The following GPC6 variants were observed in gnomAD, a reference collection of about 807,000 sequenced individuals.
The protein encoded by GPC6 is glypican-6.
Under a neutral mutation model 55.2 loss-of-function variants are expected in GPC6, and 14 were observed. The ratio of observed to expected loss-of-function variants is 0.25; its 90% CI spans 0.17 to 0.40. The LOEUF is 0.40. Among genes scored for constraint, GPC6 ranks in the 10% least tolerant of loss-of-function variants. The pLI is 1.00. For synonymous variants in GPC6, 278 were observed against 259.6 expected (o/e 1.07, Z -0.68); for missense variants, 641 against 708.5 (o/e 0.90, Z 1.08).
intron 7 of GPC6, among the ~76,000 whole-genome samples, chr13:94,397,969 G>A (rs1880964134): frequency 6.6e-6 from 1 of 152,122 alleles, no homozygotes; most frequent in Admixed American, 6.5e-5. Flanking sequence ...ACATCTGATG[G>A]TTTTATAAGG....
intron 4 of GPC6, among the ~76,000 whole-genome samples, chr13:94,057,927 A>G (rs914538528): frequency 2.6e-5 from 4 of 152,216 alleles, no homozygotes; most frequent in African/African-American, 9.6e-5. Flanking sequence ...AGAATAAATT[A>G]ATTTCATAAC....
chr13:93,434,110 G>A (rs1877475012), intron 1 of GPC6, among the ~76,000 whole-genome samples: 1 of 152,174 alleles, frequency 6.6e-6, no homozygotes, highest in Non-Finnish European at 1.5e-5. Context: ...GGCATCCAGG[G>A]ACTGCTTTGG....
Position 93,248,437 on chromosome 13 carries a change from GTT to G in GPC6, c.160+20834_160+20835del, listed in dbSNP as rs74531292. Among the ~76,000 whole-genome samples, 1,234 of 137,148 alleles carry G rather than the reference GTT, an allele frequency of 9.0e-3. 13 individuals carry two copies. Among genetic ancestry groups the G allele is most frequent in the African/African-American group, 0.03 (1,140 of 37,434 alleles). 90.0% of individuals were successfully genotyped at this position (137,148 alleles called of 152,430 possible). On this transcript the variant is annotated intron_variant, in intron 1 of 8. Transcript: ENST00000377047. Reference sequence around the variant, plus strand: ...GTACTTTAAAAGGCCCACAAAAAGTGTTTTTTTTTTTTTTCTTTTTTAAGTGA... The same window carrying G: ...GTACTTTAAAAGGCCCACAAAAAGTGTTTTTTTTTTTTCTTTTTTAAGTGA...
intron 5 of GPC6, among the ~76,000 whole-genome samples, chr13:94,305,364 C>G (rs1461993491): frequency 1.3e-5 from 2 of 152,160 alleles, no homozygotes; most frequent in Non-Finnish European, 2.9e-5. Flanking sequence ...ACATTGAACT[C>G]ATAGCACTAT....
intron 6 of GPC6, among the ~76,000 whole-genome samples, chr13:94,336,562 G>T (rs746420973): frequency 1.4e-4 from 22 of 152,170 alleles, no homozygotes; most frequent in African/African-American, 5.3e-4. Context: ...GTCGGTAGCG[G>T]TTTTTTAATT....
chr13:94,234,939 G>A (rs192595760), intron 4 of GPC6, among the ~76,000 whole-genome samples: 2 of 152,250 alleles, frequency 1.3e-5, no homozygotes, highest in Admixed American at 6.5e-5. Context: ...TCAAATGGTA[G>A]TTGCCAGGAG....
intron 2 of GPC6, among the ~76,000 whole-genome samples, chr13:93,761,741 AT>A (rs1303168188): frequency 2.6e-5 from 4 of 152,184 alleles, no homozygotes; most frequent in Non-Finnish European, 5.9e-5. Context: ...TTTATTTTTA[AT>A]GAAAAATTAT....
At chr13:93,326,730 A>G (rs1320042027) in intron 1 of GPC6, among the ~76,000 whole-genome samples, 2 of 152,214 alleles carry the variant, frequency 1.3e-5, no homozygotes, top group Non-Finnish European at 2.9e-5. Context: ...TTTCCAAACC[A>G]TACTTTATTT....
At chr13:93,896,603 GA>G (rs1876025219) in intron 3 of GPC6, among the ~76,000 whole-genome samples, 1 of 152,118 alleles carries the variant, frequency 6.6e-6, no homozygotes, top group Non-Finnish European at 1.5e-5. Context: ...TCAGAAGCAG[GA>G]TAACGATTAC....
At chr13:93,642,907 AC>A (rs1880018690) in intron 2 of GPC6, among the ~76,000 whole-genome samples, 1 of 152,128 alleles carries the variant, frequency 6.6e-6, no homozygotes, top group Non-Finnish European at 1.5e-5. Flanking sequence ...AGATGTTATC[AC>A]ATTCTAAGGA....
chr13:93,373,966 A>G (rs945538697), intron 1 of GPC6, among the ~76,000 whole-genome samples: 1 of 152,192 alleles, frequency 6.6e-6, no homozygotes, highest in Non-Finnish European at 1.5e-5. Context: ...AGCCCTGTAT[A>G]GTGATTTCTA....
chr13:93,745,831 T>C (rs1188495949), intron 2 of GPC6, among the ~76,000 whole-genome samples: 2 of 152,222 alleles, frequency 1.3e-5, no homozygotes, highest in Non-Finnish European at 2.9e-5. Flanking sequence ...AGACAGTTAT[T>C]TTTGAGACGA....
At chr13:93,522,974 A>G (rs1352640639) in intron 1 of GPC6, among the ~76,000 whole-genome samples, 2 of 150,876 alleles carry the variant, frequency 1.3e-5, no homozygotes, top group African/African-American at 4.9e-5. Flanking sequence ...TTTCTCCAAT[A>G]TCATCTATGT....
At chr13:93,488,077 G>A (rs1010530676) in intron 1 of GPC6, among the ~76,000 whole-genome samples, 2 of 152,132 alleles carry the variant, frequency 1.3e-5, no homozygotes, top group East Asian at 1.9e-4. Flanking sequence ...CCACTAACTC[G>A]TCATTTACAT....
intron 2 of GPC6, among the ~76,000 whole-genome samples, chr13:93,725,921 A>G (rs1191845093): frequency 6.6e-6 from 1 of 152,040 alleles, no homozygotes; most frequent in African/African-American, 2.4e-5. Context: ...TTTGGCCAAT[A>G]GAAAACAAGA....
chr13:93,587,321 C>T (rs940893293), intron 2 of GPC6, among the ~76,000 whole-genome samples: 1 of 152,026 alleles, frequency 6.6e-6, no homozygotes, highest in Admixed American at 6.6e-5. Context: ...AGAGCAATGC[C>T]AGGCACATAT....
At chr13:93,672,775 T>C (rs1881426235) in intron 2 of GPC6, among the ~76,000 whole-genome samples, 1 of 151,942 alleles carries the variant, frequency 6.6e-6, no homozygotes, top group South Asian at 2.1e-4. Flanking sequence ...GATGAAATGA[T>C]ATATCAGATA....
At chr13:93,267,737 C>T (rs1477179849) in intron 1 of GPC6, among the ~76,000 whole-genome samples, 1 of 152,152 alleles carries the variant, frequency 6.6e-6, no homozygotes, top group Non-Finnish European at 1.5e-5. Flanking sequence ...TTATCTACTG[C>T]TTTCCATCCA....
intron 2 of GPC6, among the ~76,000 whole-genome samples, chr13:93,599,679 TC>T (rs1426111771): frequency 6.6e-6 from 1 of 152,190 alleles, no homozygotes; most frequent in East Asian, 1.9e-4. Context: ...AAGAATGTCT[TC>T]ATAAGGTTTT....
Sources: allele counts gnomAD v4.1 joint callset (sites outside exome capture counted in the v4.1 genomes callset), GRCh38; gene constraint gnomAD v4.1.1; transcripts MANE v1.5; gene names NCBI Gene and HGNC (gene_info 2026-07-23, HGNC 2026-07-21).